The following TUBA4B variants were observed in gnomAD, a reference collection of about 807,000 sequenced individuals.
TUBA4B encodes the protein tubulin-like protein alpha-4B.
TUBA4B carries 13 observed loss-of-function variants against 18.4 expected under a neutral mutation model. The ratio of observed to expected loss-of-function variants is 0.71; its 90% CI spans 0.46 to 1.12. The LOEUF is 1.12. Ranked by LOEUF, TUBA4B falls within the 50% of genes most tolerant of loss-of-function variation. The probability of loss-of-function intolerance (pLI) is 0.00; values close to 1 mark genes in which losing one functional copy is unlikely to be tolerated. For synonymous variants in TUBA4B, 101 were observed against 99.1 expected, an observed-to-expected ratio of 1.02 and a Z score of -0.11; for missense variants, 244 against 250.0, an observed-to-expected ratio of 0.98 and a Z score of 0.16.
At position 219,270,286 on chromosome 2, in the gene TUBA4B, C is replaced by T; in HGVS notation, c.143C>T (p.Thr48Ile). The T allele has an allele frequency of 1.3e-6, 1 of 765,068 alleles. No homozygotes were observed. The highest frequency in any genetic ancestry group is 2.4e-6 in the Non-Finnish European group (1 of 412,418). The allele number at this position is 765,068 out of a possible 1,614,324, so 47.4% of individuals were successfully genotyped here. ...AANNYAWGHY[T>I]IGKEFIDLLL... ...AATAACTATGCCTGGGGCCACTACA[C>T]CATTGGGAAGGAGTTCATCGACCTG... Residue 48 changes from threonine (T) to isoleucine (I), a missense_variant, in exon 3 of 4, where the codon ACC (threonine) becomes ATC (isoleucine). Physicochemically the swap from Thr to Ile is moderately conservative, Grantham distance 89 (BLOSUM62 -1). Coordinates refer to ENST00000490341, the MANE Select transcript of TUBA4B (RefSeq NM_001355221.1).
At chr2:219,259,850 C>G (rs1259973540) in intron 1 of TUBA4B, among the ~76,000 whole-genome samples, 2 of 152,186 alleles carry the variant, frequency 1.3e-5, no homozygotes, top group Non-Finnish European at 2.9e-5. Context: ...TCTCACAGCA[C>G]TGCCTTTACA....
chr2:219,264,613 C>T (rs1479505334), intron 1 of TUBA4B, among the ~76,000 whole-genome samples: 4 of 152,128 alleles, frequency 2.6e-5, no homozygotes, highest in African/African-American at 9.7e-5. Context: ...GATAAGGGAT[C>T]CGGCTACTCA....
In TUBA4B at chr2:219,270,353, G is replaced by C. The variant is rs1951818086; in HGVS notation, c.192+18G>C. 1.4e-6 allele frequency: 1 copy of C among 714,336 alleles called. No individual in the cohort carries two copies. Among genetic ancestry groups the C allele is most frequent in the African/African-American group, 1.7e-5 (1 of 57,594 alleles). The allele number at this position is 714,336 out of a possible 1,614,324, so 44.2% of individuals were successfully genotyped here. On this transcript the variant is annotated intron_variant, in intron 3 of 3. Coordinates refer to ENST00000490341, the MANE Select transcript of TUBA4B (RefSeq NM_001355221.1). ...GGAAGCTGGTGAGGAAAGGACTGAG[G>C]GCTGGGGCAGGGGGAATGAATCTGG... is the stretch of plus-strand genomic sequence containing the variant.
At position 219,272,091 on chromosome 2, in the gene TUBA4B, G is replaced by A. The variant is rs1951831660; in HGVS notation, c.*392G>A. 1.9e-6 allele frequency: 2 copies of A among 1,054,316 alleles called. No homozygotes were observed. The highest frequency in any genetic ancestry group is 2.9e-6 in the Non-Finnish European group (2 of 690,212). 65.3% of individuals were successfully genotyped at this position (1,054,316 alleles called of 1,614,324 possible). On this transcript the variant is annotated 3_prime_UTR_variant, in exon 4 of 4. Coordinates refer to ENST00000490341, the MANE Select transcript of TUBA4B (RefSeq NM_001355221.1). Reference sequence around the variant, plus strand: ...TGCCCTGGAGAAGGATTACAAGGAGGTGGGCATGGATAGTGTGGAGTGGGG... The same window carrying A: ...TGCCCTGGAGAAGGATTACAAGGAGATGGGCATGGATAGTGTGGAGTGGGG...
intron 1 of TUBA4B, among the ~76,000 whole-genome samples, chr2:219,257,397 C>T (rs1951728235): frequency 7.2e-6 from 1 of 138,948 alleles, no homozygotes; most frequent in African/African-American, 2.7e-5. Flanking sequence ...AATTCCAGCA[C>T]TTTGGGAGGC....
At chr2:219,258,319 G>GTTTGTT (rs1951736525) in intron 1 of TUBA4B, among the ~76,000 whole-genome samples, 1 of 150,960 alleles carries the variant, frequency 6.6e-6, no homozygotes, top group African/African-American at 2.4e-5. Flanking sequence ...TTTGTTTTGT[G>GTTTGTT]TTTGTTTTTG....
chr2:219,253,769 AG>A, intron 1 of TUBA4B: 1 of 1,464,956 alleles, frequency 6.8e-7, no homozygotes. Flanking sequence ...CGCCCGGTGG[AG>A]GTCCCCGAGC....
At chr2:219,267,707 G>A (rs1459654645) in intron 2 of TUBA4B, among the ~76,000 whole-genome samples, 1 of 151,782 alleles carries the variant, frequency 6.6e-6, no homozygotes, top group Admixed American at 6.6e-5. Flanking sequence ...TGGGACTACA[G>A]GCGCTTGCCA....
intron 1 of TUBA4B, among the ~76,000 whole-genome samples, chr2:219,264,238 T>A (rs1467316780): frequency 6.6e-6 from 1 of 152,160 alleles, no homozygotes; most frequent in African/African-American, 2.4e-5. Context: ...GGCAGGCAGA[T>A]CACTTGAGGT....
At chr2:219,270,837 T>C (rs575223258) in intron 3 of TUBA4B, among the ~76,000 whole-genome samples, 83 of 151,132 alleles carry the variant, frequency 5.5e-4, no homozygotes, top group African/African-American at 1.6e-3. Context: ...GTGGGTGGAG[T>C]TGGCAAGTTA....
At chr2:219,267,213 C>T (rs965181126) in intron 2 of TUBA4B, among the ~76,000 whole-genome samples, 13 of 152,160 alleles carry the variant, frequency 8.5e-5, no homozygotes, top group Non-Finnish European at 7.3e-5. Flanking sequence ...TGGTTGGTGC[C>T]AGGCCATCCC....
In TUBA4B at chr2:219,270,341, G is replaced by A; in HGVS notation, c.192+6G>A. 1 of 723,474 alleles carries A rather than the reference G, an allele frequency of 1.4e-6. No individual in the cohort carries two copies. Among genetic ancestry groups the A allele is most frequent in the Non-Finnish European group, 2.5e-6 (1 of 393,996 alleles). The allele number at this position is 723,474 out of a possible 1,614,324, so 44.8% of individuals were successfully genotyped here. ...TGGACCGGATTCGGAAGCTGGTGAG[G>A]AAAGGACTGAGGGCTGGGGCAGGGG... On this transcript the variant is annotated splice_donor_region_variant and intron_variant, in intron 3 of 3. Transcript: ENST00000490341.
Position 219,271,894 on chromosome 2 carries a change from G to GC in TUBA4B, c.*195_*196insC. The GC allele has an allele frequency of 6.9e-7, 1 of 1,450,288 alleles. No individual in the cohort carries two copies. The highest frequency in any genetic ancestry group is 9.7e-7 in the Non-Finnish European group (1 of 1,031,216). The allele number at this position is 1,450,288 out of a possible 1,614,324, so 89.8% of individuals were successfully genotyped here. On this transcript the variant is annotated 3_prime_UTR_variant, in exon 4 of 4. Coordinates refer to ENST00000490341, the MANE Select transcript of TUBA4B (RefSeq NM_001355221.1). ...CACTGTGGTGCCTGGGAGTGACCTG[G>GC]TAAAGTGCAACGTGCCATGTGCATG...
intron 1 of TUBA4B, among the ~76,000 whole-genome samples, chr2:219,262,685 A>T (rs528378281): frequency 5.6e-4 from 83 of 148,864 alleles, no homozygotes; most frequent in South Asian, 2.8e-3. Flanking sequence ...TTAAAAAAAA[A>T]TTTTTTTTTT....
chr2:219,254,636 A>C (rs7583584), intron 1 of TUBA4B: 145,037 of 152,340 alleles, frequency 0.95, 69,465 homozygotes, highest in East Asian at 1. Flanking sequence ...GCCCTCGCTG[A>C]GGGCACCTGC....
intron 1 of TUBA4B, among the ~76,000 whole-genome samples, chr2:219,260,145 G>A (rs573827179): frequency 4.9e-4 from 75 of 152,170 alleles, no homozygotes; most frequent in African/African-American, 1.7e-3. Context: ...GGTGGCCTCT[G>A]ATAGCTTAAT....
At chr2:219,253,814 G>A in intron 1 of TUBA4B, 1 of 1,531,654 alleles carries the variant, frequency 6.5e-7, no homozygotes. Context: ...AAGGAGAGGG[G>A]CAATTAGGGG....
chr2:219,271,284 C>G lies in TUBA4B; in HGVS notation c.311C>G (p.Ser104Cys). Residue 104 changes from serine to cysteine, a missense_variant, in exon 4 of 4, where the codon TCC (serine) becomes TGC (cysteine). Coordinates refer to ENST00000490341, the MANE Select transcript of TUBA4B (RefSeq NM_001355221.1). ...EWLSVNYGKK[S>C]KLGFSIYPAP... ...CTTTCTGTTAACTATGGCAAGAAAT[C>G]CAAGCTGGGATTCTCCATCTACCCA... 1 of 1,532,730 alleles carries G rather than the reference C, an allele frequency of 6.5e-7. No individual in the cohort carries two copies. Among genetic ancestry groups the G allele is most frequent in the Admixed American group, 1.7e-5 (1 of 59,908 alleles). The allele number at this position is 1,532,730 out of a possible 1,614,324, so 94.9% of individuals were successfully genotyped here. A position where few individuals can be genotyped will look rare whatever the true frequency, so the allele number is the denominator to read the frequency against.
Position 219,272,040 on chromosome 2 carries a change from T to C in TUBA4B, c.*341T>C. 1.4e-6 allele frequency: 2 copies of C among 1,448,386 alleles called. No individual in the cohort carries two copies. The highest frequency in any genetic ancestry group is 3.6e-4 in the Middle Eastern group (2 of 5,594). 89.7% of individuals were successfully genotyped at this position (1,448,386 alleles called of 1,614,324 possible). A position where few individuals can be genotyped will look rare whatever the true frequency, so the allele number is the denominator to read the frequency against. ...GGGTGAGGGCATGGAGGAGGGTGAGTTCTCCAAGGCCCATGAGGATATGAC... is the reference window on the plus strand; with the variant it reads ...GGGTGAGGGCATGGAGGAGGGTGAGCTCTCCAAGGCCCATGAGGATATGAC... On this transcript the variant is annotated 3_prime_UTR_variant, in exon 4 of 4. Transcript: ENST00000490341.
Sources: allele counts gnomAD v4.1 joint callset (sites outside exome capture counted in the v4.1 genomes callset), GRCh38; gene constraint gnomAD v4.1.1; transcripts MANE v1.5; gene names NCBI Gene and HGNC (gene_info 2026-07-23, HGNC 2026-07-21).